TSPAN9: variants seen among roughly 807,000 people sequenced by gnomAD.
TSPAN9 encodes tetraspanin-9.
A neutral mutation model predicts 31.0 loss-of-function variants in TSPAN9; 16 were observed. The ratio of observed to expected loss-of-function variants is 0.52; its 90% CI spans 0.35 to 0.78. The LOEUF (loss-of-function observed/expected upper bound fraction) is 0.78, where lower values mean the gene tolerates loss of function less well. Among genes scored for constraint, TSPAN9 ranks in the 30% least tolerant of loss-of-function variants. The pLI, the probability that TSPAN9 is intolerant of heterozygous loss-of-function variation, is 0.01. For synonymous variants in TSPAN9, 145 were observed against 121.6 expected, an observed-to-expected ratio of 1.19 and a Z score of -1.27; for missense variants, 272 against 312.5, an observed-to-expected ratio of 0.87 and a Z score of 0.98.
At chr12:3,158,205 T>G (rs2153969201) in intron 2 of TSPAN9, among the ~76,000 whole-genome samples, 1 of 152,256 alleles carries the variant, frequency 6.6e-6, no homozygotes, top group South Asian at 2.1e-4. Context: ...CCCTGGGGCT[T>G]GCTTTGTCAG....
chr12:3,198,214 C>CCAGCACCAT (rs2098368403), intron 2 of TSPAN9, among the ~76,000 whole-genome samples: 48 of 89,852 alleles, frequency 5.3e-4, no homozygotes, highest in South Asian at 1.2e-3. Context: ...CAGGTCACCA[C>CCAGCACCAT]CAGCACAGGT....
At chr12:3,120,141 G>A (rs2098324415) in intron 2 of TSPAN9, among the ~76,000 whole-genome samples, 1 of 152,194 alleles carries the variant, frequency 6.6e-6, no homozygotes, top group Non-Finnish European at 1.5e-5. Flanking sequence ...TTTTCAGCTG[G>A]TGTTAATTGG....
chr12:3,098,616 T>G (rs1473105581), intron 2 of TSPAN9, among the ~76,000 whole-genome samples: 1 of 152,208 alleles, frequency 6.6e-6, no homozygotes, highest in Non-Finnish European at 1.5e-5. Context: ...TTGTCCGTAT[T>G]GTTTCTGTAA....
chr12:3,160,335 A>G (rs374258947), intron 2 of TSPAN9, among the ~76,000 whole-genome samples: 3 of 152,304 alleles, frequency 2.0e-5, no homozygotes, highest in African/African-American at 7.2e-5. Flanking sequence ...CGTTTTGTTT[A>G]TCCATTCATC....
chr12:3,109,681 C>T (rs1229218537), intron 2 of TSPAN9, among the ~76,000 whole-genome samples: 1 of 151,384 alleles, frequency 6.6e-6, no homozygotes, highest in Non-Finnish European at 1.5e-5. Flanking sequence ...GCCTGTAATC[C>T]CAGCTACTCA....
chr12:3,096,055 CCGGCGCGGCGGCAAAGACTGAGA>C, intron 2 of TSPAN9, among the ~76,000 whole-genome samples: 1 of 151,896 alleles, frequency 6.6e-6, no homozygotes, highest in Non-Finnish European at 1.5e-5. Flanking sequence ...GGCGGCGCTC[CCGGCGCGGCGGCAAAGACTGAGA>C]CAGCTCCGCT....
rs1200325360 is a variant in TSPAN9, at chr12:3,178,352, G to A, written c.-17-22825G>A. Among the ~76,000 whole-genome samples, 73 of 151,254 alleles carry A rather than the reference G, an allele frequency of 4.8e-4. 2 individuals carry two copies. The highest frequency in any genetic ancestry group is 2.1e-4 in the South Asian group (1 of 4,796). On this transcript the variant is annotated intron_variant, in intron 2 of 8. Transcript: ENST00000011898. ...GTTGCCCAGGCTGGAGTGCAGTGGC[G>A]TGCTCTCATTTCACTGCAACCCCTG...
chr12:3,279,106 C>G (rs1402421630), intron 5 of TSPAN9, 40 bp downstream of exon 5: 5 of 1,592,474 alleles, frequency 3.1e-6, no homozygotes, highest in East Asian at 2.2e-5. Context: ...TGGAATGTCA[C>G]TGCCCTTAGA....
chr12:3,256,490 T>G (rs1274163884), intron 3 of TSPAN9, among the ~76,000 whole-genome samples: 2 of 152,252 alleles, frequency 1.3e-5, no homozygotes, highest in Non-Finnish European at 1.5e-5. Flanking sequence ...GGCGAGTGGG[T>G]TATAAATAGC....
At chr12:3,124,031 TTGG>T (rs1237921196) in intron 2 of TSPAN9, among the ~76,000 whole-genome samples, 8 of 152,158 alleles carry the variant, frequency 5.3e-5, no homozygotes, top group Admixed American at 5.2e-4. Context: ...TACAATGTGG[TTGG>T]TGCTAGCAGT....
chr12:3,242,163 G>A (rs1286031607), intron 3 of TSPAN9, among the ~76,000 whole-genome samples: 1 of 152,230 alleles, frequency 6.6e-6, no homozygotes, highest in Non-Finnish European at 1.5e-5. Flanking sequence ...TTTGTTCCCA[G>A]CAGGGAGAAG....
intron 3 of TSPAN9, among the ~76,000 whole-genome samples, chr12:3,225,637 C>T (rs1213022977): frequency 6.6e-6 from 1 of 152,128 alleles, no homozygotes; most frequent in Non-Finnish European, 1.5e-5. Context: ...CTGACTCATG[C>T]TTGGTTCCGG....
At chr12:3,091,622 T>C (rs1029572584) in intron 2 of TSPAN9, among the ~76,000 whole-genome samples, 1 of 152,226 alleles carries the variant, frequency 6.6e-6, no homozygotes, top group African/African-American at 2.4e-5. Context: ...CAGTGTTCTT[T>C]TGCCTGTCAA....
intron 2 of TSPAN9, among the ~76,000 whole-genome samples, chr12:3,186,550 G>GTGTA (rs1278434063): frequency 8.7e-5 from 4 of 45,912 alleles, no homozygotes; most frequent in Admixed American, 2.1e-4. Flanking sequence ...GTTTGTTTGT[G>GTGTA]TGTGTGTGTG....
At chr12:3,089,544 C>A (rs1433645175) in intron 2 of TSPAN9, among the ~76,000 whole-genome samples, 3 of 151,934 alleles carry the variant, frequency 2.0e-5, no homozygotes, top group African/African-American at 7.2e-5. Context: ...ATCCGCCCTC[C>A]TTGGCCTCCC....
At chr12:3,186,496 A>G (rs1033966856) in intron 2 of TSPAN9, among the ~76,000 whole-genome samples, 1 of 152,088 alleles carries the variant, frequency 6.6e-6, no homozygotes, top group African/African-American at 2.4e-5. Flanking sequence ...TGTAAGAAAC[A>G]GCACAGAGGA....
chr12:3,162,676 T>G (rs2153969566), intron 2 of TSPAN9, among the ~76,000 whole-genome samples: 1 of 152,344 alleles, frequency 6.6e-6, no homozygotes, highest in South Asian at 2.1e-4. Flanking sequence ...ACCCTGCTTT[T>G]GGGCCAGAAG....
intron 3 of TSPAN9, among the ~76,000 whole-genome samples, chr12:3,223,088 C>A (rs2098385402): frequency 1.3e-5 from 2 of 152,230 alleles, no homozygotes; most frequent in Non-Finnish European, 2.9e-5. Context: ...TGCATCAGTG[C>A]CGTTGCCTCT....
At chr12:3,126,687 T>C (rs1197953133) in intron 2 of TSPAN9, among the ~76,000 whole-genome samples, 1 of 151,974 alleles carries the variant, frequency 6.6e-6, no homozygotes, top group East Asian at 1.9e-4. Flanking sequence ...GGCAGGAGGA[T>C]CCCTTGAGCC....
Sources: allele counts gnomAD v4.1 joint callset (sites outside exome capture counted in the v4.1 genomes callset), GRCh38; gene constraint gnomAD v4.1.1; transcripts MANE v1.5; gene names NCBI Gene and HGNC (gene_info 2026-07-23, HGNC 2026-07-21).